CWC22: variants seen among roughly 807,000 people sequenced by gnomAD.
CWC22 encodes the protein CWC22 spliceosome associated protein.
CWC22 carries 53 observed loss-of-function variants against 117.2 expected under a neutral mutation model. The ratio of observed to expected loss-of-function variants is 0.45; its 90% CI spans 0.36 to 0.57. The LOEUF is 0.57. Among genes scored for constraint, CWC22 ranks in the 20% least tolerant of loss-of-function variants. The probability of loss-of-function intolerance (pLI) is 0.00; values close to 1 mark genes in which losing one functional copy is unlikely to be tolerated. For synonymous variants in CWC22, 360 were observed against 355.6 expected (o/e 1.01, Z -0.14); for missense variants, 980 against 1,068.8 (o/e 0.92, Z 1.16).
In CWC22 at chr2:179,945,610, T is replaced by C; in HGVS notation, c.2246A>G (p.Gln749Arg). ...CCTTGTTTCCTGGTGCCCGTGTTCT[T>C]GTCTTCTTTCTTTTTGTTTCCTATC... Reference protein sequence around the residue: ...TNDRKQKERRQEHGHQETRTE... With the variant: ...TNDRKQKERRREHGHQETRTE... Residue 749 changes from glutamine (Q) to arginine (R), a missense_variant, in exon 20 of 20, where the codon CAA (glutamine) becomes CGA (arginine). Coordinates refer to ENST00000410053, the MANE Select transcript of CWC22 (RefSeq NM_020943.3). 1 of 1,613,420 alleles carries C rather than the reference T, an allele frequency of 6.2e-7. No homozygotes were observed. Among genetic ancestry groups the C allele is most frequent in the Non-Finnish European group, 8.5e-7 (1 of 1,179,662 alleles).
At chr2:179,994,100 G>C (rs1363726602) in intron 1 of CWC22, among the ~76,000 whole-genome samples, 1 of 152,126 alleles carries the variant, frequency 6.6e-6, no homozygotes, top group Admixed American at 6.5e-5. Flanking sequence ...AATACTCTAA[G>C]TAAGTTTTAG....
intron 17 of CWC22, among the ~76,000 whole-genome samples, 176 bp from the exon 18 acceptor site, chr2:179,951,102 G>T (rs1468612866): frequency 1.3e-5 from 2 of 151,886 alleles, no homozygotes; most frequent in Non-Finnish European, 2.9e-5. Flanking sequence ...AATGAGTAGG[G>T]TCAAGTAATA....
intron 19 of CWC22, among the ~76,000 whole-genome samples, chr2:179,946,964 T>C (rs1298970474): frequency 6.6e-6 from 1 of 152,192 alleles, no homozygotes; most frequent in Non-Finnish European, 1.5e-5. Flanking sequence ...CAATTTGATT[T>C]TGCTGATGTA....
At chr2:179,975,050 A>G (rs1488287535) in intron 6 of CWC22, among the ~76,000 whole-genome samples, 1 of 152,182 alleles carries the variant, frequency 6.6e-6, no homozygotes, top group East Asian at 1.9e-4. Flanking sequence ...CCTGGCCACT[A>G]CATTCCATAT....
At chr2:179,957,446 T>C (rs1254395583) in intron 14 of CWC22, among the ~76,000 whole-genome samples, 2 of 152,240 alleles carry the variant, frequency 1.3e-5, no homozygotes, top group South Asian at 2.1e-4. Context: ...ATATGATCTC[T>C]GTCAAAACTA....
At chr2:179,947,207 T>C (rs1686332982) in intron 19 of CWC22, among the ~76,000 whole-genome samples, 1 of 152,200 alleles carries the variant, frequency 6.6e-6, no homozygotes, top group Non-Finnish European at 1.5e-5. Flanking sequence ...TTTCTTCCGC[T>C]AAATGCATAT....
At chr2:179,997,625 A>T (rs1325300957) in intron 1 of CWC22, among the ~76,000 whole-genome samples, 1 of 152,160 alleles carries the variant, frequency 6.6e-6, no homozygotes, top group African/African-American at 2.4e-5. Context: ...CCCTACCTCT[A>T]CTAGCACAAC....
intron 11 of CWC22, among the ~76,000 whole-genome samples, chr2:179,966,471 T>A (rs1230868197): frequency 6.6e-6 from 1 of 152,200 alleles, no homozygotes; most frequent in African/African-American, 2.4e-5. Context: ...AAATAAATAG[T>A]AATGAGATTT....
intron 6 of CWC22, among the ~76,000 whole-genome samples, chr2:179,977,477 A>T (rs949904855): frequency 5.3e-5 from 8 of 152,236 alleles, no homozygotes; most frequent in African/African-American, 1.9e-4. Flanking sequence ...CAGAAAGACA[A>T]ATAATGCATG....
intron 19 of CWC22, among the ~76,000 whole-genome samples, chr2:179,946,179 C>T (rs1203418629): frequency 1.3e-5 from 2 of 152,040 alleles, no homozygotes; most frequent in East Asian, 3.9e-4. Context: ...TACAGTGGCT[C>T]ATGCCTATAA....
chr2:180,001,224 G>A (rs1027524712), intron 1 of CWC22, among the ~76,000 whole-genome samples: 1 of 151,902 alleles, frequency 6.6e-6, no homozygotes, highest in African/African-American at 2.4e-5. Context: ...TGATATTTAT[G>A]GGGCAAATTC....
chr2:179,984,701 TATGAAAA>T (rs1402931323), intron 4 of CWC22, among the ~76,000 whole-genome samples: 3 of 152,048 alleles, frequency 2.0e-5, no homozygotes, highest in Non-Finnish European at 4.4e-5. Flanking sequence ...AAGCTGGTTT[TATGAAAA>T]CAATGACAAA....
chr2:179,988,078 A>C (rs2105548944), intron 3 of CWC22, among the ~76,000 whole-genome samples: 1 of 152,306 alleles, frequency 6.6e-6, no homozygotes, highest in South Asian at 2.1e-4. Context: ...CTCCTATGAG[A>C]ATGGAATGCC....
At chr2:179,949,931 C>T (rs568515624) in intron 19 of CWC22, among the ~76,000 whole-genome samples, 8 of 151,914 alleles carry the variant, frequency 5.3e-5, no homozygotes, top group Non-Finnish European at 1.2e-4. Context: ...ATACATAATG[C>T]TAAAGGTAAA....
chr2:179,993,023 A>G (rs149626542), intron 2 of CWC22, among the ~76,000 whole-genome samples: 3 of 152,290 alleles, frequency 2.0e-5, no homozygotes, highest in East Asian at 1.9e-4. Flanking sequence ...ACACACGCGC[A>G]CACACACGTA....
rs1172051002 is a variant in CWC22 at position 179,956,423 on chromosome 2, G to A, written c.1459-1389C>T. Among the ~76,000 whole-genome samples, 5 of 151,432 alleles carry A rather than the reference G, an allele frequency of 3.3e-5. No homozygotes were observed. In the East Asian group the frequency reaches 7.7e-4, roughly 23 times the overall value. Reference sequence around the variant, plus strand: ...AAGCCACATGTGACTAGCGACTACTGTACTAGAAAGTGCAGAATATAAATA... The same window carrying A: ...AAGCCACATGTGACTAGCGACTACTATACTAGAAAGTGCAGAATATAAATA... On this transcript the variant is annotated intron_variant, in intron 14 of 19. Transcript: ENST00000410053.
In CWC22 at chr2:179,952,527, G is replaced by A. The variant is rs546207850; in HGVS notation, c.1761C>T (p.Phe587=). The part of the protein sequence containing the change: ...SSSRIFVKIF[F]QELCEYMGLP... ...GACCCATGTATTCACACAGTTCCTG[G>A]AAAAATATTTTGACAAAAATTCTAC... Residue 587 remains phenylalanine, a synonymous_variant, in exon 17 of 20, where the codon TTC becomes TTT. Coordinates refer to ENST00000410053, the MANE Select transcript of CWC22 (RefSeq NM_020943.3). 1.9e-6 allele frequency: 3 copies of A among 1,560,408 alleles called. No homozygotes were observed. In the African/African-American group the frequency reaches 4.1e-5, roughly 21 times the overall value.
chr2:179,966,130 T>C, intron 11 of CWC22, 148 bp from the exon 12 acceptor site: 1 of 570,396 alleles, frequency 1.8e-6, no homozygotes. Context: ...CCTCGTGTTA[T>C]TGCCTAGGTT....
chr2:179,975,932 A>T (rs1239476531), intron 6 of CWC22, among the ~76,000 whole-genome samples: 1 of 152,190 alleles, frequency 6.6e-6, no homozygotes, highest in Non-Finnish European at 1.5e-5. Context: ...AACCACAAAA[A>T]ACTCCAAATA....
Sources: gnomAD v4.1 joint callset for allele counts (sites outside exome capture counted in the v4.1 genomes callset) on GRCh38, gnomAD v4.1.1 for gene constraint, MANE v1.5 for transcripts, NCBI Gene and HGNC (gene_info 2026-07-23, HGNC 2026-07-21) for gene names.